Variants in DSTN observed in about 807,000 individuals in gnomAD.
DSTN encodes destrin, actin depolymerizing factor.
Under a neutral mutation model 16.8 loss-of-function variants are expected in DSTN, and 10 were observed. The ratio of observed to expected loss-of-function variants is 0.60; its 90% CI spans 0.37 to 1.01. DSTN has a LOEUF of 1.01. Among genes scored for constraint, DSTN ranks in the 50% least tolerant of loss-of-function variants. The probability of loss-of-function intolerance (pLI) is 0.01; values close to 1 mark genes in which losing one functional copy is unlikely to be tolerated. For missense variants in DSTN, 141 were observed against 196.7 expected (o/e 0.72, Z 1.69); for synonymous variants, 57 against 58.9 (o/e 0.97, Z 0.14).
chr20:17,598,066 ACTACATC>A (rs2035547232), intron 1 of DSTN, among the ~76,000 whole-genome samples: 1 of 152,196 alleles, frequency 6.6e-6, no homozygotes, highest in African/African-American at 2.4e-5. Context: ...GTGTGGATAT[ACTACATC>A]TTAAAAATCT....
Position 17,581,484 on chromosome 20 carries a change from A to G in DSTN, c.3+11273A>G, listed in dbSNP as rs1466066281. 3.0e-5 allele frequency among the ~76,000 whole-genome samples: 4 copies of G among 133,984 alleles called. No individual in the cohort carries two copies. In the East Asian group the frequency reaches 9.9e-4, roughly 33 times the overall value. 87.9% of individuals were successfully genotyped at this position (133,984 alleles called of 152,430 possible). A position where few individuals can be genotyped will look rare whatever the true frequency, so the allele number is the denominator to read the frequency against. On this transcript the variant is annotated intron_variant, in intron 1 of 3. Transcript: ENST00000246069. ...AGTGACAAAGCGAGACCCTGTCCCT[A>G]AACAAACAAACAACAACACAACCAA...
chr20:17,606,515 C>A lies in DSTN; in HGVS notation c.389-522C>A, dbSNP rs554018329. ...CATTTGTATTTTTATGTTTTAAAAACCAAGAAAATTTTCTTACTAGACCTG... is the reference window on the plus strand; with the variant it reads ...CATTTGTATTTTTATGTTTTAAAAAACAAGAAAATTTTCTTACTAGACCTG... On this transcript the variant is annotated intron_variant, in intron 3 of 3. Coordinates refer to ENST00000246069, the MANE Select transcript of DSTN (RefSeq NM_006870.4). Among the ~76,000 whole-genome samples, 7 of 152,300 alleles carry A rather than the reference C, an allele frequency of 4.6e-5. No individual in the cohort carries two copies. In the South Asian group the frequency reaches 1.0e-3, roughly 23 times the overall value.
Position 17,607,628 on chromosome 20 carries a change from G to A in DSTN, c.*482G>A, listed in dbSNP as rs1267558611. On this transcript the variant is annotated 3_prime_UTR_variant, in exon 4 of 4. Transcript: ENST00000246069. Reference sequence around the variant, plus strand: ...ACTAATACACTAATAGTAAGATTAAGTTAGGCAGTCTTCTACCAAATGTGT... The same window carrying A: ...ACTAATACACTAATAGTAAGATTAAATTAGGCAGTCTTCTACCAAATGTGT... 3.3e-5 allele frequency: 5 copies of A among 152,506 alleles called. No individual in the cohort carries two copies. The highest frequency in any genetic ancestry group is 1.2e-4 in the African/African-American group (5 of 41,436). The allele number at this position is 152,506 out of a possible 1,614,324, so 9.4% of individuals were successfully genotyped here. A position where few individuals can be genotyped will look rare whatever the true frequency, so the allele number is the denominator to read the frequency against.
chr20:17,606,982 A>G, intron 3 of DSTN, 55 bp from the exon 4 acceptor site: 1 of 1,575,126 alleles, frequency 6.3e-7, no homozygotes, highest in South Asian at 1.1e-5. Flanking sequence ...TATCTTAGAG[A>G]AAGAGGTAAA....
chr20:17,601,842 T>C (rs977788105), intron 2 of DSTN, among the ~76,000 whole-genome samples: 2 of 152,240 alleles, frequency 1.3e-5, no homozygotes, highest in African/African-American at 4.8e-5. Context: ...GGATCCCTCA[T>C]TTATTGAATA....
At chr20:17,570,582 G>C (rs976239062) in intron 1 of DSTN, among the ~76,000 whole-genome samples, 8 of 151,654 alleles carry the variant, frequency 5.3e-5, no homozygotes, top group Admixed American at 3.3e-4. Flanking sequence ...GCCGGGGAGT[G>C]GGGGGCGGGG....
Position 17,600,641 on chromosome 20 carries a change from A to T in DSTN, c.4-97A>T, listed in dbSNP as rs2035576235. On this transcript the variant is annotated intron_variant, in intron 1 of 3. Coordinates refer to ENST00000246069, the MANE Select transcript of DSTN (RefSeq NM_006870.4). ...TTTAATTAGATGATATACCTTTAAA[A>T]TGTTAAATATATGCCAATCTATAAG... The T allele has an allele frequency of 3.3e-5, 44 of 1,339,308 alleles. No homozygotes were observed. The South Asian group carries it at 6.7e-4, about 20-fold the overall frequency. The allele number at this position is 1,339,308 out of a possible 1,614,324, so 83.0% of individuals were successfully genotyped here.
intron 1 of DSTN, among the ~76,000 whole-genome samples, chr20:17,574,870 G>GTTTTTTTTTTTTTTTTTTTTTTTT (rs533880691): frequency 2.5e-5 from 2 of 81,158 alleles, no homozygotes; most frequent in African/African-American, 4.9e-5. Context: ...CTTTTCTTTT[G>GTTTTTTTTTTTTTTTTTTTTTTTT]TTTTTTTTTT....
intron 1 of DSTN, among the ~76,000 whole-genome samples, chr20:17,588,244 T>A (rs117013794): frequency 2.0e-3 from 308 of 152,320 alleles, no homozygotes; most frequent in Non-Finnish European, 2.7e-3. Flanking sequence ...CAGGTACTTT[T>A]GGTTTACAGA....
intron 3 of DSTN, 149 bp from the exon 4 acceptor site, chr20:17,606,888 A>G (rs2035648562): frequency 1.6e-6 from 1 of 630,190 alleles, no homozygotes; most frequent in Non-Finnish European, 2.7e-6. Context: ...AGTTACAATT[A>G]TTTTTTCTCG....
chr20:17,596,587 T>C, intron 1 of DSTN: 1 of 978,014 alleles, frequency 1.0e-6, no homozygotes, highest in Non-Finnish European at 1.2e-6. Flanking sequence ...CTCACTGCTG[T>C]AGTTCAGAGC....
Position 17,570,187 on chromosome 20 carries a change from C to T in DSTN, c.-22C>T, listed in dbSNP as rs762626107. On this transcript the variant is annotated 5_prime_UTR_variant, in exon 1 of 4. Transcript: ENST00000246069. The stretch of plus-strand genomic sequence containing the variant: ...TGCCCGCCGGCTCCCTCCCCCGCGT[C>T]CCTGCGACCGCCGCGGCGAAGATGG... The T allele has an allele frequency of 5.3e-6, 8 of 1,519,926 alleles. No homozygotes were observed. In the South Asian group the frequency reaches 9.7e-5, roughly 18 times the overall value. The allele number at this position is 1,519,926 out of a possible 1,614,324, so 94.2% of individuals were successfully genotyped here.
chr20:17,603,803 A>T (rs1169712150), intron 2 of DSTN, among the ~76,000 whole-genome samples: 1 of 152,246 alleles, frequency 6.6e-6, no homozygotes, highest in Non-Finnish European at 1.5e-5. Flanking sequence ...CTTTAGAATC[A>T]TGAGATTATA....
intron 1 of DSTN, among the ~76,000 whole-genome samples, chr20:17,590,483 G>T (rs980895049): frequency 6.6e-6 from 1 of 152,186 alleles, no homozygotes; most frequent in Non-Finnish European, 1.5e-5. Context: ...TGACATGGGG[G>T]TGGAGCTCTA....
At chr20:17,575,972 T>A (rs1482594190) in intron 1 of DSTN, among the ~76,000 whole-genome samples, 1 of 152,244 alleles carries the variant, frequency 6.6e-6, no homozygotes, top group Non-Finnish European at 1.5e-5. Context: ...CTTTCATTGA[T>A]GTTGGAAGTG....
chr20:17,607,225 G>C lies in DSTN; in HGVS notation c.*79G>C. The C allele has an allele frequency of 7.3e-7, 1 of 1,370,530 alleles. No homozygotes were observed. Among genetic ancestry groups the C allele is most frequent in the Non-Finnish European group, 1.0e-6 (1 of 989,352 alleles). 84.9% of individuals were successfully genotyped at this position (1,370,530 alleles called of 1,614,324 possible). A position where few individuals can be genotyped will look rare whatever the true frequency, so the allele number is the denominator to read the frequency against. On this transcript the variant is annotated 3_prime_UTR_variant, in exon 4 of 4. Transcript: ENST00000246069. Reference sequence around the variant, plus strand: ...ATATAAATAAAGCAAATATATTTAGGCCAGGGTCTCACTGAGGGGGAGCTG... The same window carrying C: ...ATATAAATAAAGCAAATATATTTAGCCCAGGGTCTCACTGAGGGGGAGCTG...
intron 1 of DSTN, among the ~76,000 whole-genome samples, chr20:17,579,677 T>C (rs890268970): frequency 3.9e-5 from 6 of 152,236 alleles, no homozygotes; most frequent in African/African-American, 1.4e-4. Context: ...ATTAGGTAAA[T>C]AGTCTTTTGT....
In DSTN at chr20:17,606,908, A is replaced by G. The variant is rs113108671; in HGVS notation, c.389-129A>G. On this transcript the variant is annotated intron_variant, in intron 3 of 3. Transcript: ENST00000246069. ...CAATTATTTTTTCTCGTTACTGTGT[A>G]GTATTCCGTGTTTGTATATACCCCA... 47 of 720,178 alleles carry G rather than the reference A, an allele frequency of 6.5e-5. No individual in the cohort carries two copies. The Middle Eastern group carries it at 7.6e-4, about 12-fold the overall frequency. The allele number at this position is 720,178 out of a possible 1,614,324, so 44.6% of individuals were successfully genotyped here.
At chr20:17,581,109 T>A (rs1359749397) in intron 1 of DSTN, among the ~76,000 whole-genome samples, 2 of 152,226 alleles carry the variant, frequency 1.3e-5, no homozygotes, top group South Asian at 2.1e-4. Flanking sequence ...AGGTGTTAAG[T>A]AGTGTAGTGG....
Sources: gnomAD v4.1 joint callset for allele counts (sites outside exome capture counted in the v4.1 genomes callset) on GRCh38, gnomAD v4.1.1 for gene constraint, MANE v1.5 for transcripts, NCBI Gene and HGNC (gene_info 2026-07-23, HGNC 2026-07-21) for gene names.